LVRN: variants seen among roughly 807,000 people sequenced by gnomAD.
LVRN encodes laeverin.
A neutral mutation model predicts 111.4 loss-of-function variants in LVRN; 99 were observed. That is an observed-to-expected ratio of 0.89 (90% CI 0.76 to 1.05). The LOEUF (loss-of-function observed/expected upper bound fraction) is 1.05, where lower values mean the gene tolerates loss of function less well. Among genes scored for constraint, LVRN ranks in the 50% least tolerant of loss-of-function variants. LVRN has a pLI of 0.00. For missense variants in LVRN, 1,414 were observed against 1,206.8 expected (o/e 1.17, Z -2.54); for synonymous variants, 488 against 449.5 (o/e 1.09, Z -1.08).
chr5:116,005,684 A>G, intron 12 of LVRN: 2 of 584,660 alleles, frequency 3.4e-6, no homozygotes, highest in South Asian at 1.6e-5. Flanking sequence ...TTTCTGCCAT[A>G]TTTAAACCTT....
In LVRN at chr5:115,994,099, A is replaced by T. The variant is rs185767016; in HGVS notation, c.1374+245A>T. Reference sequence around the variant, plus strand: ...TATTGCTTTTTTTACTTCATATTCAACTTCATATTTCTACATATTCATATT... The same window carrying T: ...TATTGCTTTTTTTACTTCATATTCATCTTCATATTTCTACATATTCATATT... On this transcript the variant is annotated intron_variant, in intron 6 of 19. Transcript: ENST00000357872. 4.2e-3 allele frequency among the ~76,000 whole-genome samples: 635 copies of T among 152,128 alleles called. 2 individuals carry two copies. The highest frequency in any genetic ancestry group is 4.9e-3 in the Non-Finnish European group (332 of 67,992).
chr5:115,970,285 T>G (rs1469446572), intron 1 of LVRN, among the ~76,000 whole-genome samples: 4 of 152,204 alleles, frequency 2.6e-5, no homozygotes, highest in Admixed American at 2.6e-4. Context: ...TTTCTGTAGA[T>G]TAATTTGCGT....
intron 6 of LVRN, among the ~76,000 whole-genome samples, chr5:115,995,094 T>C (rs1748078069): frequency 6.6e-6 from 1 of 152,242 alleles, no homozygotes; most frequent in Non-Finnish European, 1.5e-5. Flanking sequence ...TGAAATGCTA[T>C]CTCTACTTGC....
intron 1 of LVRN, among the ~76,000 whole-genome samples, chr5:115,981,545 G>A (rs1234294634): frequency 4.6e-5 from 7 of 152,156 alleles, no homozygotes; most frequent in African/African-American, 1.4e-4. Flanking sequence ...ATGGAGAATG[G>A]GGTATCCATC....
intron 13 of LVRN, among the ~76,000 whole-genome samples, chr5:116,007,205 C>G (rs540431704): frequency 6.6e-6 from 1 of 152,294 alleles, no homozygotes; most frequent in South Asian, 2.1e-4. Flanking sequence ...TGTTAGACAT[C>G]AATTTCATTA....
At chr5:115,982,614 G>C (rs146242801) in intron 1 of LVRN, among the ~76,000 whole-genome samples, 13 of 152,144 alleles carry the variant, frequency 8.5e-5, no homozygotes, top group African/African-American at 2.9e-4. Flanking sequence ...ACGTCTTCTC[G>C]TCTGCTCGGG....
chr5:115,980,922 A>G (rs1167548090), intron 1 of LVRN, among the ~76,000 whole-genome samples: 18 of 152,126 alleles, frequency 1.2e-4, no homozygotes, highest in Non-Finnish European at 1.9e-4. Context: ...CCTGCTGGAT[A>G]TCTTAATCTC....
In LVRN at chr5:116,015,696, C is replaced by G; in HGVS notation, c.2687C>G (p.Ala896Gly). The G allele has an allele frequency of 6.2e-7, 1 of 1,613,432 alleles. No individual in the cohort carries two copies. Among genetic ancestry groups the G allele is most frequent in the Non-Finnish European group, 8.5e-7 (1 of 1,179,602 alleles). ...GAAACAAATATAATTGAGGTTGTGG[C>G]TTCATCTGAAGTTGGCCGGTATGTC... Reference protein sequence around the residue: ...SNETNIIEVVASSEVGRYVAK... With the variant: ...SNETNIIEVVGSSEVGRYVAK... The change falls in exon 18 of 20, where the codon GCT becomes GGT. Residue 896 changes from alanine (A) to glycine (G), a missense_variant. Physicochemically the swap from Ala to Gly is moderately conservative, Grantham distance 60. Transcript: ENST00000357872.
At chr5:115,987,759 C>A in intron 3 of LVRN, 54 bp from the exon 4 acceptor site, 1 of 1,573,300 alleles carries the variant, frequency 6.4e-7, no homozygotes, top group Admixed American at 1.8e-5. Context: ...CAGACTACCT[C>A]TTTCCAAAAT....
chr5:116,010,511 C>G (rs1271143757), intron 13 of LVRN: 2 of 577,858 alleles, frequency 3.5e-6, no homozygotes, highest in Admixed American at 2.2e-5. Flanking sequence ...TGAATTTTCT[C>G]TAGCCTTCAA....
intron 18 of LVRN, among the ~76,000 whole-genome samples, chr5:116,016,968 G>C (rs1378615957): frequency 6.6e-6 from 1 of 152,178 alleles, no homozygotes; most frequent in Non-Finnish European, 1.5e-5. Flanking sequence ...AAAAGTTTTA[G>C]TCCTTCTACA....
chr5:115,978,362 G>T (rs1277738638), intron 1 of LVRN, among the ~76,000 whole-genome samples: 1 of 152,156 alleles, frequency 6.6e-6, no homozygotes, highest in African/African-American at 2.4e-5. Context: ...TGTGTCTTTT[G>T]AAAATACGTA....
At chr5:115,994,086 T>TA (rs1295273848) in intron 6 of LVRN, among the ~76,000 whole-genome samples, 1 of 152,194 alleles carries the variant, frequency 6.6e-6, no homozygotes, top group Non-Finnish European at 1.5e-5. Context: ...TTGCTTTTTT[T>TA]ACTTCATATT....
intron 1 of LVRN, among the ~76,000 whole-genome samples, chr5:115,966,555 C>G (rs974658807): frequency 1.2e-4 from 18 of 152,138 alleles, no homozygotes; most frequent in African/African-American, 4.3e-4. Context: ...TCTATGTTGC[C>G]CAGGCTAGCC....
At position 115,962,942 on chromosome 5, in the gene LVRN, C is replaced by A. The variant is rs1018977732; in HGVS notation, c.325C>A (p.Leu109Met). 6.2e-7 allele frequency: 1 copy of A among 1,613,010 alleles called. No individual in the cohort carries two copies. Residue 109 changes from leucine to methionine, a missense_variant, in exon 1 of 20, where the codon CTG (leucine) becomes ATG (methionine). By Grantham distance (15) the Leu-to-Met change is conservative. Coordinates refer to ENST00000357872, the MANE Select transcript of LVRN (RefSeq NM_173800.5). The part of the protein sequence containing the change: ...PPWLVPLHYD[L>M]ELWPQLRPDE... ...CTGGCTCGTGCCGCTGCACTACGATCTGGAGCTGTGGCCGCAGCTGAGGCC... is the reference window on the plus strand; with the variant it reads ...CTGGCTCGTGCCGCTGCACTACGATATGGAGCTGTGGCCGCAGCTGAGGCC...
At chr5:115,977,720 G>T (rs1314445173) in intron 1 of LVRN, among the ~76,000 whole-genome samples, 1 of 152,150 alleles carries the variant, frequency 6.6e-6, no homozygotes, top group African/African-American at 2.4e-5. Context: ...TGCACTTGCT[G>T]GTCGTCTAAT....
At chr5:116,001,892 G>C (rs1237505344) in intron 10 of LVRN, among the ~76,000 whole-genome samples, 1 of 152,174 alleles carries the variant, frequency 6.6e-6, no homozygotes, top group Non-Finnish European at 1.5e-5. Context: ...TTGTGTAAAA[G>C]TGAAATGAGT....
intron 12 of LVRN, among the ~76,000 whole-genome samples, chr5:116,003,831 T>G (rs1038365518): frequency 6.6e-6 from 1 of 152,164 alleles, no homozygotes; most frequent in Non-Finnish European, 1.5e-5. Flanking sequence ...TCCACCTGCC[T>G]CGGCCTCTCA....
Position 116,026,157 on chromosome 5 carries a change from A to G in LVRN, c.*39A>G. The G allele has an allele frequency of 1.2e-6, 2 of 1,611,394 alleles. No individual in the cohort carries two copies. Among genetic ancestry groups the G allele is most frequent in the Non-Finnish European group, 1.7e-6 (2 of 1,178,828 alleles). Reference sequence around the variant, plus strand: ...TTCAGCACTCCTCTTGCATATTATAATGTAGTTTGTTCACAGTTTTGTCTT... The same window carrying G: ...TTCAGCACTCCTCTTGCATATTATAGTGTAGTTTGTTCACAGTTTTGTCTT... On this transcript the variant is annotated 3_prime_UTR_variant, in exon 20 of 20. Transcript: ENST00000357872.
Sources: allele counts gnomAD v4.1 joint callset (sites outside exome capture counted in the v4.1 genomes callset), GRCh38; gene constraint gnomAD v4.1.1; transcripts MANE v1.5; gene names NCBI Gene and HGNC (gene_info 2026-07-23, HGNC 2026-07-21).